Variants in SERINC5 observed in about 807,000 individuals in gnomAD.
SERINC5 encodes serine incorporator 5.
In SERINC5, 41 loss-of-function variants were observed where a neutral mutation model predicts 63.1. The ratio of observed to expected loss-of-function variants is 0.65; its 90% CI spans 0.51 to 0.84. SERINC5 has a LOEUF of 0.84. Among genes scored for constraint, SERINC5 ranks in the 40% least tolerant of loss-of-function variants. SERINC5 has a pLI of 0.00. For synonymous variants in SERINC5, 222 were observed against 215.2 expected (o/e 1.03, Z -0.28); for missense variants, 523 against 573.0 (o/e 0.91, Z 0.89).
chr5:80,168,438 C>T (rs767404333), intron 6 of SERINC5, among the ~76,000 whole-genome samples: 8 of 152,046 alleles, frequency 5.3e-5, no homozygotes, highest in South Asian at 2.1e-4. Flanking sequence ...TGACCTCAGA[C>T]GATCTGCCTG....
At chr5:80,115,796 TATAA>T (rs1744303736) in intron 11 of SERINC5, among the ~76,000 whole-genome samples, 2 of 152,004 alleles carry the variant, frequency 1.3e-5, no homozygotes, top group Non-Finnish European at 1.5e-5. Context: ...CTACAAAAAG[TATAA>T]ATAGAGGTCA....
chr5:80,187,479 T>C (rs1346054331), intron 2 of SERINC5, among the ~76,000 whole-genome samples: 4 of 152,314 alleles, frequency 2.6e-5, no homozygotes, highest in Non-Finnish European at 5.9e-5. Flanking sequence ...CTTCCTGTTA[T>C]TGGTCAGTGG....
rs145859805 is a variant in SERINC5 at position 80,244,057 on chromosome 5, C to T, written c.27+11839G>A. 9.2e-5 allele frequency among the ~76,000 whole-genome samples: 14 copies of T among 152,218 alleles called. No homozygotes were observed. The East Asian group carries it at 2.5e-3, about 27-fold the overall frequency. On this transcript the variant is annotated intron_variant, in intron 1 of 11. Transcript: ENST00000507668. ...GGGGCAGGAAGCTGTTTTCCTACTA[C>T]CATCCTTTTAGGCCCAGCCCAGACC...
At chr5:80,240,443 G>C (rs1025569425) in intron 1 of SERINC5, among the ~76,000 whole-genome samples, 5 of 151,960 alleles carry the variant, frequency 3.3e-5, no homozygotes, top group African/African-American at 1.2e-4. Flanking sequence ...CCTTTTTTCA[G>C]ATGTGTCACT....
chr5:80,168,323 G>A (rs575343848), intron 6 of SERINC5, among the ~76,000 whole-genome samples: 5 of 151,968 alleles, frequency 3.3e-5, no homozygotes, highest in African/African-American at 1.2e-4. Flanking sequence ...CAGCCTCCCG[G>A]GTAGCTGGGA....
chr5:80,235,013 T>C lies in SERINC5; in HGVS notation c.27+20883A>G, dbSNP rs998935925. Among the ~76,000 whole-genome samples, 5 of 152,236 alleles carry C rather than the reference T, an allele frequency of 3.3e-5. No individual in the cohort carries two copies. In the East Asian group the frequency reaches 9.6e-4, roughly 29 times the overall value. ...AGTAGTGTTAAGTATATTCATATTGTTGTCCAACAGATTTCTATAACTTTT... is the reference window on the plus strand; with the variant it reads ...AGTAGTGTTAAGTATATTCATATTGCTGTCCAACAGATTTCTATAACTTTT... On this transcript the variant is annotated intron_variant, in intron 1 of 11. Transcript: ENST00000507668.
chr5:80,232,473 TG>T (rs1346495741), intron 1 of SERINC5, among the ~76,000 whole-genome samples: 3 of 147,296 alleles, frequency 2.0e-5, no homozygotes, highest in African/African-American at 7.5e-5. Flanking sequence ...CAGTAAAGTG[TG>T]GTATATTCCA....
At chr5:80,157,987 C>T (rs1252315468) in intron 8 of SERINC5, 1 of 152,096 alleles carries the variant, frequency 6.6e-6, no homozygotes, top group Non-Finnish European at 1.5e-5. Context: ...GCTATCACCA[C>T]CAGGAGTATT....
chr5:80,139,148 A>C lies in SERINC5; in HGVS notation c.*4515T>G. On this transcript the variant is annotated 3_prime_UTR_variant, in exon 12 of 12. Transcript: ENST00000507668. ...TTCTAATGTAGCAAAACGTAACCAC[A>C]TAATTTGGCTACAGCTAATCGTTTC... The C allele has an allele frequency of 1.0e-6, 1 of 985,228 alleles. No individual in the cohort carries two copies. Among genetic ancestry groups the C allele is most frequent in the Non-Finnish European group, 1.2e-6 (1 of 829,718 alleles). 61.0% of individuals were successfully genotyped at this position (985,228 alleles called of 1,614,324 possible). A position where few individuals can be genotyped will look rare whatever the true frequency, so the allele number is the denominator to read the frequency against.
At position 80,198,705 on chromosome 5, in the gene SERINC5, CCT is replaced by C. The variant is rs150211930; in HGVS notation, c.195+4179_195+4180del. On this transcript the variant is annotated intron_variant, in intron 2 of 11. Coordinates refer to ENST00000507668, the MANE Select transcript of SERINC5 (RefSeq NM_001174072.3). Reference sequence around the variant, plus strand: ...TTTCAACACCCGCCCGCAAGCACCCCCTGAGGATGAGGTCAGCCTCTCTTCTG... The same window carrying C: ...TTTCAACACCCGCCCGCAAGCACCCCGAGGATGAGGTCAGCCTCTCTTCTG... The C allele has an allele frequency of 1.5e-3, 1,465 of 985,452 alleles. 17 individuals carry two copies. In the African/African-American group the frequency reaches 0.024, roughly 16 times the overall value. The allele number at this position is 985,452 out of a possible 1,614,324, so 61.0% of individuals were successfully genotyped here. A position where few individuals can be genotyped will look rare whatever the true frequency, so the allele number is the denominator to read the frequency against.
At chr5:80,222,918 G>A (rs1258275135) in intron 1 of SERINC5, among the ~76,000 whole-genome samples, 1 of 151,978 alleles carries the variant, frequency 6.6e-6, no homozygotes, top group Non-Finnish European at 1.5e-5. Context: ...GGAGTACAGT[G>A]GTACGGTCAC....
chr5:80,152,824 C>A (rs1434684437), intron 8 of SERINC5, among the ~76,000 whole-genome samples: 2 of 152,062 alleles, frequency 1.3e-5, no homozygotes, highest in Admixed American at 1.3e-4. Flanking sequence ...AGCTGTAATC[C>A]CAGCTGCTCA....
chr5:80,221,235 C>T (rs1318964222), intron 1 of SERINC5, among the ~76,000 whole-genome samples: 1 of 152,188 alleles, frequency 6.6e-6, no homozygotes, highest in Admixed American at 6.5e-5. Flanking sequence ...CCCAGGGGAT[C>T]ATCTGACATC....
At chr5:80,120,136 A>G (rs1744486453) in intron 11 of SERINC5, among the ~76,000 whole-genome samples, 1 of 152,190 alleles carries the variant, frequency 6.6e-6, no homozygotes, top group Non-Finnish European at 1.5e-5. Context: ...GCCTGCTCAT[A>G]GTAGATTGAA....
intron 1 of SERINC5, among the ~76,000 whole-genome samples, chr5:80,226,192 G>A (rs1052500178): frequency 1.3e-5 from 2 of 152,172 alleles, no homozygotes; most frequent in Non-Finnish European, 2.9e-5. Context: ...CAAGTAGCTG[G>A]AGTACAGGTG....
At chr5:80,147,443 T>C (rs1480279156) in intron 9 of SERINC5, among the ~76,000 whole-genome samples, 159 bp from the exon 10 acceptor site, 2 of 152,148 alleles carry the variant, frequency 1.3e-5, no homozygotes, top group East Asian at 3.9e-4. Flanking sequence ...GGAAACCCCA[T>C]GGAGGGAGAT....
In SERINC5 at chr5:80,203,000, G is replaced by A. The variant is rs758275037; in HGVS notation, c.81C>T (p.Pro27=). Residue 27 remains proline (P), a synonymous_variant, in exon 2 of 12, where the codon CCC becomes CCT. Coordinates refer to ENST00000507668, the MANE Select transcript of SERINC5 (RefSeq NM_001174072.3). ...GGGTGCTGAGGGACTGCCGAATCCT[G>A]GGGCAGCAATCACAGCAGAGAGAGC... ...AGCSLCCDCC[P]RIRQSLSTRF... is the part of the protein sequence containing the mutation. 6.2e-7 allele frequency: 1 copy of A among 1,613,226 alleles called. No homozygotes were observed. Among genetic ancestry groups the A allele is most frequent in the South Asian group, 1.1e-5 (1 of 90,942 alleles).
intron 1 of SERINC5, among the ~76,000 whole-genome samples, chr5:80,234,977 G>A (rs910780603): frequency 1.3e-5 from 2 of 152,000 alleles, no homozygotes; most frequent in Admixed American, 6.6e-5. Context: ...CCACTTTTAA[G>A]TGTACAGTTC....
At chr5:80,205,499 A>G (rs544529371) in intron 1 of SERINC5, among the ~76,000 whole-genome samples, 1 of 152,218 alleles carries the variant, frequency 6.6e-6, no homozygotes, top group Non-Finnish European at 1.5e-5. Context: ...TTGAAGCTCA[A>G]AAGAAATGGG....
Sources: allele counts gnomAD v4.1 joint callset (sites outside exome capture counted in the v4.1 genomes callset), GRCh38; gene constraint gnomAD v4.1.1; transcripts MANE v1.5; gene names NCBI Gene and HGNC (gene_info 2026-07-23, HGNC 2026-07-21).